The following SNTB1 variants were observed in gnomAD, a reference collection of about 807,000 sequenced individuals.
SNTB1 encodes beta-1-syntrophin.
SNTB1 carries 36 observed loss-of-function variants against 48.9 expected under a neutral mutation model. The ratio of observed to expected loss-of-function variants is 0.74; its 90% CI spans 0.56 to 0.97. The LOEUF is 0.97. Among genes scored for constraint, SNTB1 ranks in the 50% least tolerant of loss-of-function variants. SNTB1 has a pLI of 0.00. For synonymous variants in SNTB1, 299 were observed against 294.6 expected (o/e 1.01, Z -0.15); for missense variants, 786 against 703.4 (o/e 1.12, Z -1.33).
At chr8:120,569,272 G>T (rs999550742) in intron 4 of SNTB1, among the ~76,000 whole-genome samples, 1 of 152,198 alleles carries the variant, frequency 6.6e-6, no homozygotes, top group African/African-American at 2.4e-5. Flanking sequence ...GAGCTACTGT[G>T]CCCAGCCCGC....
At chr8:120,779,329 C>T (rs147011638) in intron 1 of SNTB1, among the ~76,000 whole-genome samples, 5,776 of 152,058 alleles carry the variant, frequency 0.038, 356 homozygotes, top group African/African-American at 0.13. Context: ...ATGGTGAAAC[C>T]CCATTTCTGC....
chr8:120,698,145 G>A (rs1000750602), intron 1 of SNTB1, among the ~76,000 whole-genome samples: 1 of 152,040 alleles, frequency 6.6e-6, no homozygotes, highest in African/African-American at 2.4e-5. Context: ...GCTGAACAAT[G>A]CCTGTGAACT....
At chr8:120,757,605 A>G (rs28375696) in intron 1 of SNTB1, among the ~76,000 whole-genome samples, 19,854 of 152,092 alleles carry the variant, frequency 0.13, 4,274 homozygotes, top group African/African-American at 0.45. Flanking sequence ...AATTTATGAA[A>G]GCACTCCTAA....
At chr8:120,565,188 T>G (rs551668002) in intron 4 of SNTB1, among the ~76,000 whole-genome samples, 24 of 152,286 alleles carry the variant, frequency 1.6e-4, no homozygotes, top group Non-Finnish European at 3.2e-4. Context: ...ATTTTCAGTG[T>G]GATGGAGTTG....
At chr8:120,672,934 G>A (rs1430522409) in intron 2 of SNTB1, among the ~76,000 whole-genome samples, 1 of 152,138 alleles carries the variant, frequency 6.6e-6, no homozygotes, top group Admixed American at 6.6e-5. Flanking sequence ...CAGGAGGAAG[G>A]GAAAACCATA....
intron 1 of SNTB1, 77 bp from the exon 2 acceptor site, chr8:120,693,985 T>C (rs935628700): frequency 3.2e-5 from 37 of 1,157,642 alleles, no homozygotes; most frequent in Non-Finnish European, 4.5e-5. Flanking sequence ...GTTTCTGAAA[T>C]AGACTTGCTT....
intron 2 of SNTB1, among the ~76,000 whole-genome samples, chr8:120,654,039 CAAAAAAAAAAAAAA>C (rs58873007): frequency 6.0e-4 from 15 of 25,176 alleles, no homozygotes; most frequent in Admixed American, 2.5e-3. Context: ...GACTCTGCCT[CAAAAAAAAAAAAAA>C]AAAAAAAAAA....
intron 2 of SNTB1, among the ~76,000 whole-genome samples, chr8:120,669,270 G>C (rs925250257): frequency 6.6e-6 from 1 of 152,134 alleles, no homozygotes; most frequent in Non-Finnish European, 1.5e-5. Context: ...GGCACTGAGT[G>C]AATTTAATTA....
At chr8:120,739,401 C>A (rs1196345398) in intron 1 of SNTB1, among the ~76,000 whole-genome samples, 2 of 152,132 alleles carry the variant, frequency 1.3e-5, no homozygotes, top group Admixed American at 6.5e-5. Flanking sequence ...TGTTCTCAGA[C>A]AATGGCATTC....
rs1244745976 is a variant in SNTB1 at position 120,701,672 on chromosome 8, T to A, written c.572-7764A>T. ...TTACTTTTTCTTAGGTTTGGCAGCA[T>A]TATCTAGAAGAATCATTATTTTCAT... On this transcript the variant is annotated intron_variant, in intron 1 of 6. Coordinates refer to ENST00000517992, the MANE Select transcript of SNTB1 (RefSeq NM_021021.4). 3.3e-5 allele frequency among the ~76,000 whole-genome samples: 5 copies of A among 152,316 alleles called. No individual in the cohort carries two copies. The East Asian group carries it at 9.6e-4, about 29-fold the overall frequency.
intron 1 of SNTB1, among the ~76,000 whole-genome samples, chr8:120,782,588 G>A (rs1278741851): frequency 6.6e-6 from 1 of 151,978 alleles, no homozygotes; most frequent in Non-Finnish European, 1.5e-5. Flanking sequence ...GCATAAATAT[G>A]TATACATACA....
intron 2 of SNTB1, among the ~76,000 whole-genome samples, chr8:120,640,605 C>T (rs936510878): frequency 1.3e-5 from 2 of 152,118 alleles, no homozygotes; most frequent in African/African-American, 2.4e-5. Flanking sequence ...TTGAATTTTG[C>T]CAAAGGCCTT....
rs140044852 is a variant in SNTB1 at position 120,550,945 on chromosome 8, G to C, written c.1137-1987C>G. On this transcript the variant is annotated intron_variant, in intron 4 of 6. Transcript: ENST00000517992. ...AGTTTTTAGACTTGAAAGTGTTTAA[G>C]CTTTAATTACTTTAAGAAATTAAAT... 8.3e-3 allele frequency among the ~76,000 whole-genome samples: 1,268 copies of C among 152,250 alleles called. 12 individuals carry two copies. The highest frequency in any genetic ancestry group is 0.051 in the South Asian group (248 of 4,830).
intron 1 of SNTB1, among the ~76,000 whole-genome samples, chr8:120,750,764 C>T (rs915746802): frequency 1.3e-5 from 2 of 152,042 alleles, no homozygotes; most frequent in South Asian, 2.1e-4. Context: ...GAGGAAGGGA[C>T]ATTTCCATCT....
chr8:120,804,628 C>T (rs998177718), intron 1 of SNTB1, among the ~76,000 whole-genome samples: 2 of 152,134 alleles, frequency 1.3e-5, no homozygotes, highest in Non-Finnish European at 2.9e-5. Context: ...TCATGTTACT[C>T]TAGAGGGTGA....
intron 3 of SNTB1, among the ~76,000 whole-genome samples, chr8:120,616,026 T>G (rs576450077): frequency 6.6e-6 from 1 of 152,300 alleles, no homozygotes; most frequent in South Asian, 2.1e-4. Flanking sequence ...AATTCATCAT[T>G]CAGCACCCAC....
At chr8:120,550,252 A>G (rs1476826103) in intron 4 of SNTB1, among the ~76,000 whole-genome samples, 4 of 152,198 alleles carry the variant, frequency 2.6e-5, no homozygotes, top group African/African-American at 9.6e-5. Context: ...GTCATTAAAG[A>G]TATGGAAGGC....
At chr8:120,702,839 A>G (rs4871100) in intron 1 of SNTB1, among the ~76,000 whole-genome samples, 53,318 of 152,094 alleles carry the variant, frequency 0.35, 12,729 homozygotes, top group East Asian at 0.67. Context: ...CCAACTATGT[A>G]AGCTTGGGAA....
chr8:120,586,121 G>A lies in SNTB1; in HGVS notation c.997-10896C>T, dbSNP rs540809258. Among the ~76,000 whole-genome samples, 17 of 152,306 alleles carry A rather than the reference G, an allele frequency of 1.1e-4. 1 individual carries two copies. In the South Asian group the frequency reaches 1.2e-3, roughly 11 times the overall value. ...TATTACAGAGGACCAGGTATACAAA[G>A]AGAAATCACCTCCATTTCACTTATG... On this transcript the variant is annotated intron_variant, in intron 3 of 6. Coordinates refer to ENST00000517992, the MANE Select transcript of SNTB1 (RefSeq NM_021021.4).
Sources: gnomAD v4.1 joint callset for allele counts (sites outside exome capture counted in the v4.1 genomes callset) on GRCh38, gnomAD v4.1.1 for gene constraint, MANE v1.5 for transcripts, NCBI Gene and HGNC (gene_info 2026-07-23, HGNC 2026-07-21) for gene names.